Variants in TUBGCP3 observed in about 807,000 individuals in gnomAD.
TUBGCP3 encodes the protein tubulin gamma complex component 3.
Under a neutral mutation model 123.1 loss-of-function variants are expected in TUBGCP3, and 50 were observed. The observed-to-expected ratio is 0.41, with a 90% CI of 0.32 to 0.51. The LOEUF is 0.51. TUBGCP3 is among the 20% of genes least tolerant of loss of function. The probability of loss-of-function intolerance (pLI) is 0.36; values close to 1 mark genes in which losing one functional copy is unlikely to be tolerated. For synonymous variants in TUBGCP3, 405 were observed against 413.9 expected, an observed-to-expected ratio of 0.98 and a Z score of 0.26; for missense variants, 882 against 1,127.0, an observed-to-expected ratio of 0.78 and a Z score of 3.11.
rs1469300009 is a variant in TUBGCP3, at chr13:112,527,415, A to C, written c.1405T>G (p.Ser469Ala). ...ATCGTCATAAACGAAGGAATCATCG[A>C]TTTCCTCAAAGTATACTTGTCGTGC... is the stretch of plus-strand genomic sequence containing the variant. ...LWHDKYTLRK[S>A]MIPSFMTMDQ... Residue 469 changes from serine to alanine, a missense_variant, in exon 12 of 22, where the codon TCG (serine) becomes GCG (alanine). This residue lies in a region of TUBGCP3 where 713 missense variants were observed against 874.0 expected (regional missense o/e 0.82). Coordinates refer to ENST00000261965, the MANE Select transcript of TUBGCP3 (RefSeq NM_006322.6). The C allele has an allele frequency of 9.4e-6, 15 of 1,598,030 alleles. No individual in the cohort carries two copies. The highest frequency in any genetic ancestry group is 1.3e-5 in the Non-Finnish European group (15 of 1,175,486).
chr13:112,495,191 G>GT (rs1418740341), intron 20 of TUBGCP3, among the ~76,000 whole-genome samples: 1 of 152,108 alleles, frequency 6.6e-6, no homozygotes, highest in Non-Finnish European at 1.5e-5. Context: ...TTTCCATAAT[G>GT]TGAGGTCTTA....
intron 3 of TUBGCP3, among the ~76,000 whole-genome samples, chr13:112,560,322 T>C (rs1165076382): frequency 5.4e-5 from 8 of 149,500 alleles, no homozygotes; most frequent in African/African-American, 1.5e-4. Context: ...CCCAGCTACT[T>C]GGGAGGCTGA....
rs1370850995 is a variant in TUBGCP3 at position 112,508,087 on chromosome 13, C to G, written c.2087-3373G>C. 2.0e-5 allele frequency among the ~76,000 whole-genome samples: 3 copies of G among 152,188 alleles called. No homozygotes were observed. The highest frequency in any genetic ancestry group is 4.4e-5 in the Non-Finnish European group (3 of 68,034). On this transcript the variant is annotated intron_variant, in intron 17 of 21. Transcript: ENST00000261965. The surrounding 1 kb of genome is among the most constrained non-coding windows in gnomAD (Gnocchi z 4.2). Reference sequence around the variant, plus strand: ...GCTGCCTGGGGCCTTCCCCTTCTCTCCCTCACTCCCAGCCTCAGCATCCCG... The same window carrying G: ...GCTGCCTGGGGCCTTCCCCTTCTCTGCCTCACTCCCAGCCTCAGCATCCCG...
At chr13:112,602,812 G>A in the TUBGCP3 span, 2 of 152,108 alleles carry the variant, frequency 1.3e-5, no homozygotes, top group African/African-American at 4.8e-5. Flanking sequence ...TCAAAACCAA[G>A]AAACTCCCCC....
chr13:112,601,718 T>C, the TUBGCP3 span, among the ~76,000 whole-genome samples: 6 of 152,212 alleles, frequency 3.9e-5, no homozygotes, highest in African/African-American at 1.2e-4. Flanking sequence ...TTCAGGCCTA[T>C]ACAACCTTCT....
chr13:112,532,054 C>G (rs532072967), intron 11 of TUBGCP3, among the ~76,000 whole-genome samples: 1 of 152,198 alleles, frequency 6.6e-6, no homozygotes, highest in Admixed American at 6.5e-5. Flanking sequence ...AGAATCAGAT[C>G]CATTAATACA....
chr13:112,577,892 A>C (rs1881952611), intron 1 of TUBGCP3, among the ~76,000 whole-genome samples: 1 of 152,188 alleles, frequency 6.6e-6, no homozygotes, highest in Non-Finnish European at 1.5e-5. Context: ...GAAAGCAACT[A>C]AAATGTGAGG....
rs1881684351 is a variant in TUBGCP3 at position 112,511,682 on chromosome 13, T to A, written c.2086+4758A>T. On this transcript the variant is annotated intron_variant, in intron 17 of 21. Transcript: ENST00000261965. This position sits in a 1 kb window ranked among gnomAD's most constrained non-coding sequence, Gnocchi z 4.1. ...GTTAAAAGGAAAACCAAAAAAAAAA[T>A]GTAGTATGAGCTATTAAACCTTCAT... is the stretch of plus-strand genomic sequence containing the variant. Among the ~76,000 whole-genome samples the A allele has an allele frequency of 1.3e-5, 2 of 151,740 alleles. No homozygotes were observed. The highest frequency in any genetic ancestry group is 4.2e-4 in the South Asian group (2 of 4,794).
intron 8 of TUBGCP3, among the ~76,000 whole-genome samples, chr13:112,552,678 A>G (rs9550144): frequency 0.16 from 23,940 of 152,142 alleles, 2,138 homozygotes; most frequent in Non-Finnish European, 0.21. Context: ...AGCCCAAACC[A>G]GAACCCTGGG....
Position 112,504,060 on chromosome 13 carries a change from G to C in TUBGCP3, c.2279C>G (p.Ser760Cys), listed in dbSNP as rs776256523. Residue 760 changes from serine (S) to cysteine (C), a missense_variant, in exon 19 of 22, where the codon TCC becomes TGC. Ser to Cys is a moderately radical substitution (Grantham distance 112, BLOSUM62 -1). Transcript: ENST00000261965. The part of the protein sequence containing the change: ...AHEVFLDTII[S>C]RCLLDSDSRA... ...GGAGTCACTGTCCAGCAGGCAGCGGGAGATGATGGTGTCTAAGAACACCTC... is the reference window on the plus strand; with the variant it reads ...GGAGTCACTGTCCAGCAGGCAGCGGCAGATGATGGTGTCTAAGAACACCTC... 6.2e-7 allele frequency: 1 copy of C among 1,614,022 alleles called. No individual in the cohort carries two copies. Among genetic ancestry groups the C allele is most frequent in the Admixed American group, 1.7e-5 (1 of 60,014 alleles).
At chr13:112,587,792 T>A in intron 1 of TUBGCP3, 113 bp downstream of exon 1, 1 of 969,646 alleles carries the variant, frequency 1.0e-6, no homozygotes, top group Admixed American at 3.4e-5. Flanking sequence ...CCCCCAGCCC[T>A]CTGCCCGGCC....
At chr13:112,528,958 C>T (rs898672378) in intron 11 of TUBGCP3, among the ~76,000 whole-genome samples, 1 of 152,044 alleles carries the variant, frequency 6.6e-6, no homozygotes, top group African/African-American at 2.4e-5. Flanking sequence ...CTCAAGCCAT[C>T]CTCCCACCTC....
At chr13:112,495,113 G>A (rs1373446959) in intron 20 of TUBGCP3, among the ~76,000 whole-genome samples, 2 of 152,182 alleles carry the variant, frequency 1.3e-5, no homozygotes, top group Non-Finnish European at 2.9e-5. Context: ...AGTGCTTGCA[G>A]AGTATTACTC....
At position 112,504,094 on chromosome 13, in the gene TUBGCP3, C is replaced by T; in HGVS notation, c.2245G>A (p.Ala749Thr). 1 of 1,614,144 alleles carries T rather than the reference C, an allele frequency of 6.2e-7. No individual in the cohort carries two copies. The highest frequency in any genetic ancestry group is 8.5e-7 in the Non-Finnish European group (1 of 1,180,032). ...QQAQDLDHII[A>T]AHEVFLDTII... ...GTGTCTAAGAACACCTCGTGTGCAG[C>T]AATGATGTGATCCAAATCCTGGGCC... is the stretch of plus-strand genomic sequence containing the variant. The change falls in exon 19 of 22, where the codon GCT becomes ACT. Residue 749 changes from alanine (A) to threonine (T), a missense_variant. Physicochemically the swap from Ala to Thr is moderately conservative, Grantham distance 58. This residue lies in a region of TUBGCP3 where 160 missense variants were observed against 220.3 expected (regional missense o/e 0.73). Transcript: ENST00000261965.
At chr13:112,537,246 C>T (rs1228963318) in intron 11 of TUBGCP3, among the ~76,000 whole-genome samples, 2 of 149,732 alleles carry the variant, frequency 1.3e-5, no homozygotes, top group Non-Finnish European at 3.0e-5. Context: ...TTGTTCCTGA[C>T]CTTATGAAGA....
chr13:112,498,813 T>C lies in TUBGCP3; in HGVS notation c.2448+232A>G. The C allele has an allele frequency of 3.8e-6, 6 of 1,559,428 alleles. 1 individual carries two copies. Among genetic ancestry groups the C allele is most frequent in the South Asian group, 3.5e-5 (3 of 84,866 alleles). ...ACGGGCAGGAGATTTGTAATTCTCA[T>C]GAATGCTGCTGTTTTTATTTATTTT... On this transcript the variant is annotated intron_variant, in intron 20 of 21. Transcript: ENST00000261965.
In TUBGCP3 at chr13:112,554,099, C is replaced by T; in HGVS notation, c.924G>A (p.Thr308=). The change falls in exon 8 of 22, where the codon ACG becomes ACA. Residue 308 remains threonine (T), a synonymous_variant. Transcript: ENST00000261965. ...ATGAGCGGTCCAGGCTCCTCTGGTC[C>T]GTGTATCTTCTGATTTTATTATGCA... ...GWLHNKIRRY[T]DQRSLDRSFG... is the part of the protein sequence containing the mutation. 3 of 1,614,130 alleles carry T rather than the reference C, an allele frequency of 1.9e-6. No homozygotes were observed. Among genetic ancestry groups the T allele is most frequent in the South Asian group, 1.1e-5 (1 of 91,084 alleles).
intron 11 of TUBGCP3, 33 bp from the exon 12 acceptor site, chr13:112,527,517 G>C (rs143499149): frequency 6.7e-7 from 1 of 1,503,504 alleles, no homozygotes; most frequent in East Asian, 2.3e-5. Flanking sequence ...ATGTTCAAGA[G>C]TGATATTTAT....
intron 1 of TUBGCP3, among the ~76,000 whole-genome samples, chr13:112,572,079 T>C (rs9577816): frequency 0.16 from 23,965 of 152,184 alleles, 2,146 homozygotes; most frequent in Non-Finnish European, 0.21. Flanking sequence ...TGGAATAGCA[T>C]TTGTAATTTC....
Sources: gnomAD v4.1 joint callset for allele counts (sites outside exome capture counted in the v4.1 genomes callset) on GRCh38, gnomAD v4.1.1 for gene constraint, gnomAD v4.1.1 regional missense constraint, Gnocchi (gnomAD v3.1) non-coding constraint, MANE v1.5 for transcripts, NCBI Gene and HGNC (gene_info 2026-07-23, HGNC 2026-07-21) for gene names.